Variants in LRIG1 observed in about 807,000 individuals in gnomAD.
The protein encoded by LRIG1 is leucine rich repeats and immunoglobulin like domains 1.
A neutral mutation model predicts 99.2 loss-of-function variants in LRIG1; 48 were observed. The observed-to-expected ratio is 0.48, with a 90% CI of 0.38 to 0.62. The LOEUF (loss-of-function observed/expected upper bound fraction) is 0.62, where lower values mean the gene tolerates loss of function less well. Among genes scored for constraint, LRIG1 ranks in the 20% least tolerant of loss-of-function variants. LRIG1 has a pLI of 0.00. For synonymous variants in LRIG1, 772 were observed against 596.1 expected (o/e 1.29, Z -4.30); for missense variants, 1,646 against 1,434.4 (o/e 1.15, Z -2.38).
At chr3:66,451,023 T>C (rs1204713655) in intron 3 of LRIG1, among the ~76,000 whole-genome samples, 1 of 152,210 alleles carries the variant, frequency 6.6e-6, no homozygotes, top group African/African-American at 2.4e-5. Context: ...CTAAGGCCCT[T>C]CATCTGCTTT....
Sources: gnomAD v4.1 joint callset for allele counts (sites outside exome capture counted in the v4.1 genomes callset) on GRCh38, gnomAD v4.1.1 for gene constraint, MANE v1.5 for transcripts, NCBI Gene and HGNC (gene_info 2026-07-23, HGNC 2026-07-21) for gene names.